Variants in PTPRS observed in about 807,000 individuals in gnomAD.
PTPRS encodes protein tyrosine phosphatase receptor type S.
A neutral mutation model predicts 215.3 loss-of-function variants in PTPRS; 63 were observed. The observed-to-expected ratio is 0.29, with a 90% CI of 0.24 to 0.36. The LOEUF is 0.36. Among genes scored for constraint, PTPRS ranks in the 10% least tolerant of loss-of-function variants. The pLI is 1.00. For missense variants in PTPRS, 2,258 were observed against 2,825.8 expected, an observed-to-expected ratio of 0.80 and a Z score of 4.56; for synonymous variants, 1,404 against 1,191.4, an observed-to-expected ratio of 1.18 and a Z score of -3.68.
intron 1 of PTPRS, among the ~76,000 whole-genome samples, chr19:5,300,227 C>T (rs968765804): frequency 5.0e-5 from 7 of 139,964 alleles, no homozygotes; most frequent in Admixed American, 2.2e-4. Context: ...GGCAACGGGG[C>T]GAGACTCCAT....
Position 5,208,069 on chromosome 19 carries a change from A to G in PTPRS, c.5643-12T>C. On this transcript the variant is annotated splice_polypyrimidine_tract_variant and intron_variant, in intron 36 of 37. Transcript: ENST00000262963. The stretch of plus-strand genomic sequence containing the variant: ...TGCCCACGCCGGCACTGGTGGCAGT[A>G]AAGTGAGCACAGCCATTCAGGGGCA... The G allele has an allele frequency of 6.2e-7, 1 of 1,608,882 alleles. No homozygotes were observed. Among genetic ancestry groups the G allele is most frequent in the Non-Finnish European group, 8.5e-7 (1 of 1,176,746 alleles).
At chr19:5,262,224 G>A (rs757044038) in intron 6 of PTPRS, among the ~76,000 whole-genome samples, 9 of 152,266 alleles carry the variant, frequency 5.9e-5, no homozygotes, top group Middle Eastern at 3.4e-3. Context: ...TTAGTGAGCC[G>A]AGATGGTGCC....
Position 5,257,567 on chromosome 19 carries a change from C to A in PTPRS, c.706+450G>T. On this transcript the variant is annotated intron_variant, in intron 8 of 37. Transcript: ENST00000262963. The surrounding 1 kb of genome is among the most constrained non-coding windows in gnomAD (Gnocchi z 4.4). The stretch of plus-strand genomic sequence containing the variant: ...TTAGGGGGGGCAGTGAAGCGGGGAG[C>A]TACGAGGCCACAAAGTTGGGAGAAG... 1 of 425,454 alleles carries A rather than the reference C, an allele frequency of 2.4e-6. No individual in the cohort carries two copies. 26.4% of individuals were successfully genotyped at this position (425,454 alleles called of 1,614,324 possible).
chr19:5,250,604 CG>C (rs544972521), intron 9 of PTPRS, among the ~76,000 whole-genome samples: 925 of 16,010 alleles, frequency 0.058, 6 homozygotes, highest in Middle Eastern at 0.27. Flanking sequence ...ACCGAGTAGC[CG>C]GGGGGTCCCA....
In PTPRS at chr19:5,208,385, G is replaced by A; in HGVS notation, c.5494C>T (p.Gln1832Ter). The change falls in exon 36 of 38, where the codon CAG becomes TAG. Residue 1832 changes from glutamine (Q) to a stop codon, truncating the protein, a stop_gained. Coordinates refer to ENST00000262963, the MANE Select transcript of PTPRS (RefSeq NM_002850.4). LOFTEE classifies it high-confidence loss of function. The part of the protein sequence containing the change: ...EFKVTDARDG[Q>*]SRTVRQFQFT... ...TGGAACTGCCGGACAGTCCGGGACTGGCCATCCTAGAGTGCAGAGAGCCCA... is the reference window on the plus strand; with the variant it reads ...TGGAACTGCCGGACAGTCCGGGACTAGCCATCCTAGAGTGCAGAGAGCCCA... 6.3e-7 allele frequency: 1 copy of A among 1,591,664 alleles called. No individual in the cohort carries two copies. Among genetic ancestry groups the A allele is most frequent in the Non-Finnish European group, 8.6e-7 (1 of 1,168,140 alleles).
In PTPRS at chr19:5,263,268, T is replaced by A. The variant is rs192898157; in HGVS notation, c.569-296A>T. Among the ~76,000 whole-genome samples the A allele has an allele frequency of 3.7e-3, 559 of 152,144 alleles. 10 individuals are homozygous for A. Among genetic ancestry groups the A allele is most frequent in the South Asian group, 0.018 (88 of 4,812 alleles). On this transcript the variant is annotated intron_variant, in intron 5 of 37. Coordinates refer to ENST00000262963, the MANE Select transcript of PTPRS (RefSeq NM_002850.4). ...TGCAGAGGCCTATGAGCTGCAAACA[T>A]CCTCAGCCAGGCTGGGAGATAGGAG...
chr19:5,327,483 C>T (rs2050201136), intron 1 of PTPRS, among the ~76,000 whole-genome samples: 1 of 152,152 alleles, frequency 6.6e-6, no homozygotes, highest in Non-Finnish European at 1.5e-5. Context: ...AAACTTGCAC[C>T]ATTCAAATGC....
intron 1 of PTPRS, among the ~76,000 whole-genome samples, chr19:5,337,207 C>A (rs1426844353): frequency 6.6e-6 from 1 of 152,234 alleles, no homozygotes; most frequent in Non-Finnish European, 1.5e-5. Context: ...CAATTATCCC[C>A]CAAACCCGCT....
chr19:5,246,288 C>A (rs1392608192), intron 9 of PTPRS, among the ~76,000 whole-genome samples: 1 of 152,026 alleles, frequency 6.6e-6, no homozygotes, highest in East Asian at 1.9e-4. Flanking sequence ...AATTAAAAAA[C>A]CAAATTCCAA....
intron 1 of PTPRS, among the ~76,000 whole-genome samples, chr19:5,296,710 A>C (rs1381826992): frequency 9.0e-6 from 1 of 110,578 alleles, no homozygotes; most frequent in Non-Finnish European, 2.3e-5. Flanking sequence ...AGGGGAGACA[A>C]AGAGGAGGGG....
chr19:5,249,963 C>T (rs1013603560), intron 9 of PTPRS, among the ~76,000 whole-genome samples: 4 of 152,110 alleles, frequency 2.6e-5, no homozygotes, highest in Non-Finnish European at 5.9e-5. Flanking sequence ...GTACCTTTAA[C>T]TTTTTTTAGA....
chr19:5,322,647 A>T (rs553913688), intron 1 of PTPRS, among the ~76,000 whole-genome samples: 1 of 152,254 alleles, frequency 6.6e-6, no homozygotes, highest in East Asian at 1.9e-4. Flanking sequence ...TAGGAGGCTG[A>T]GGCGGGCGGA....
At position 5,295,945 on chromosome 19, in the gene PTPRS, G is replaced by C. The variant is rs2049121462; in HGVS notation, c.-94-9711C>G. Among the ~76,000 whole-genome samples the C allele has an allele frequency of 6.6e-6, 1 of 152,038 alleles. No homozygotes were observed. Among genetic ancestry groups the C allele is most frequent in the Admixed American group, 6.6e-5 (1 of 15,266 alleles). ...AATTTTTGGATTTTTTTGTAGACAT[G>C]GGATCTCCCCATGTTGCCCCGACTG... On this transcript the variant is annotated intron_variant, in intron 1 of 37. Coordinates refer to ENST00000262963, the MANE Select transcript of PTPRS (RefSeq NM_002850.4). The surrounding 1 kb of genome is among the most constrained non-coding windows in gnomAD (Gnocchi z 4.6).
At chr19:5,233,200 G>A (rs1175927390) in intron 13 of PTPRS, among the ~76,000 whole-genome samples, 2 of 150,500 alleles carry the variant, frequency 1.3e-5, no homozygotes, top group Admixed American at 6.6e-5. Flanking sequence ...ACACCTATGT[G>A]CCAGGCACCG....
intron 33 of PTPRS, 33 bp downstream of exon 33, chr19:5,211,557 G>A (rs55858361): frequency 0.43 from 684,931 of 1,585,790 alleles, 153,840 homozygotes; most frequent in East Asian, 0.54. Flanking sequence ...GGCTCCTTCT[G>A]GGGCCCTGAG....
At chr19:5,302,743 G>T (rs1251725892) in intron 1 of PTPRS, among the ~76,000 whole-genome samples, 2 of 152,082 alleles carry the variant, frequency 1.3e-5, no homozygotes, top group African/African-American at 4.8e-5. Flanking sequence ...CCCATGCCTA[G>T]GGGTACGTTC....
At position 5,338,119 on chromosome 19, in the gene PTPRS, C is replaced by T. The variant is rs1176263379; in HGVS notation, c.-95+2545G>A. Reference sequence around the variant, plus strand: ...CCCATCTCCCGCGGGGAGTGGGGAGCGGGCCAGTCCACCGCCTCTTGGGAC... The same window carrying T: ...CCCATCTCCCGCGGGGAGTGGGGAGTGGGCCAGTCCACCGCCTCTTGGGAC... On this transcript the variant is annotated intron_variant, in intron 1 of 37. Coordinates refer to ENST00000262963, the MANE Select transcript of PTPRS (RefSeq NM_002850.4). The surrounding 1 kb of genome is among the most constrained non-coding windows in gnomAD (Gnocchi z 4.2). Among the ~76,000 whole-genome samples, 1 of 152,124 alleles carries T rather than the reference C, an allele frequency of 6.6e-6. No homozygotes were observed. Among genetic ancestry groups the T allele is most frequent in the Non-Finnish European group, 1.5e-5 (1 of 68,012 alleles).
At chr19:5,276,527 G>A (rs1038551024) in intron 2 of PTPRS, among the ~76,000 whole-genome samples, 17 of 75,720 alleles carry the variant, frequency 2.2e-4, no homozygotes, top group Admixed American at 1.2e-3. Context: ...CTGGCCTGGA[G>A]TACGTGTTTT....
rs368236845 is a variant in PTPRS at position 5,222,817 on chromosome 19, T to C, written c.2975A>G (p.Glu992Gly). The C allele has an allele frequency of 5.0e-6, 8 of 1,596,324 alleles. No individual in the cohort carries two copies. The highest frequency in any genetic ancestry group is 6.8e-6 in the Non-Finnish European group (8 of 1,177,646). ...CAGGCCCTGCAGCGTGAGCGCGTTC[T>C]CCGCGCCCGGCTCAGCCGCTGCCGG... ...ELPAAAEPGA[E>G]NALTLQGLKP... Residue 992 changes from glutamate (E) to glycine (G), a missense_variant, in exon 18 of 38, where the codon GAG becomes GGG. Physicochemically the swap from Glu to Gly is moderately conservative, Grantham distance 98. Coordinates refer to ENST00000262963, the MANE Select transcript of PTPRS (RefSeq NM_002850.4).
Sources: allele counts gnomAD v4.1 joint callset (sites outside exome capture counted in the v4.1 genomes callset), GRCh38; gene constraint gnomAD v4.1.1; non-coding constraint Gnocchi (gnomAD v3.1); transcripts MANE v1.5; gene names NCBI Gene and HGNC (gene_info 2026-07-23, HGNC 2026-07-21).